FBXO47: variants seen among roughly 807,000 people sequenced by gnomAD.
FBXO47 encodes the protein F-box protein 47.
In FBXO47, 34 loss-of-function variants were observed where a neutral mutation model predicts 53.9. The ratio of observed to expected loss-of-function variants is 0.63; its 90% CI spans 0.48 to 0.84. The LOEUF (loss-of-function observed/expected upper bound fraction) is 0.84. Ranked by LOEUF, FBXO47 falls within the 40% of genes least tolerant of loss-of-function variation. The probability of loss-of-function intolerance (pLI) is 0.00; values close to 1 mark genes in which losing one functional copy is unlikely to be tolerated. For missense variants in FBXO47, 485 were observed against 541.3 expected, an observed-to-expected ratio of 0.90 and a Z score of 1.03; for synonymous variants, 165 against 181.6, an observed-to-expected ratio of 0.91 and a Z score of 0.73.
chr17:38,943,695 C>T lies in FBXO47; in HGVS notation c.835G>A (p.Glu279Lys), dbSNP rs1411988837. Residue 279 changes from glutamate (E) to lysine (K), a missense_variant, in exon 8 of 11, where the codon GAA (glutamate) becomes AAA (lysine). Physicochemically the swap from Glu to Lys is moderately conservative, Grantham distance 56. Coordinates refer to ENST00000378079, the MANE Select transcript of FBXO47 (RefSeq NM_001008777.3). ...WQEMIEEPTD[E>K]FSLKGLADAI... ...TCAGCCAAACCTTTCAGACTGAATT[C>T]ATCTGTAGGTTCTTCTATCATTTCC... The T allele has an allele frequency of 6.2e-7, 1 of 1,610,614 alleles. No individual in the cohort carries two copies. The highest frequency in any genetic ancestry group is 1.3e-5 in the African/African-American group (1 of 74,676).
intron 8 of FBXO47, 124 bp from the exon 9 acceptor site, chr17:38,943,044 GA>G: frequency 7.9e-6 from 7 of 891,338 alleles, no homozygotes; most frequent in South Asian, 1.9e-5. Flanking sequence ...GAAATGCTCA[GA>G]AAAAAATGCT....
chr17:38,938,635 A>ACT lies in FBXO47; in HGVS notation c.1180_1181insAG (p.Leu394GlnfsTer13). The stretch of plus-strand genomic sequence containing the variant: ...TGCAAATGCATTTGCCACATTCTGC[A>ACT]GGAAGTTCTTTCTTTCCACTGGAGT... On this transcript the variant is annotated frameshift_variant, in exon 10 of 11. Coordinates refer to ENST00000378079, the MANE Select transcript of FBXO47 (RefSeq NM_001008777.3). LOFTEE classifies it high-confidence loss of function. The ACT allele has an allele frequency of 2.5e-6, 4 of 1,613,852 alleles. No homozygotes were observed. In the South Asian group the frequency reaches 4.4e-5, roughly 18 times the overall value.
chr17:38,967,206 T>TG (rs747412530), intron 1 of FBXO47, 23 bp downstream of exon 1: 2 of 152,068 alleles, frequency 1.3e-5, no homozygotes, highest in African/African-American at 2.4e-5. Context: ...AATAAAATAC[T>TG]GGGAAAAAAA....
intron 6 of FBXO47, among the ~76,000 whole-genome samples, chr17:38,946,392 CTA>C (rs1195368838): frequency 0.023 from 931 of 39,618 alleles, 89 homozygotes; most frequent in African/African-American, 0.096. Context: ...ATATATATAT[CTA>C]TATATAAATA....
At position 38,963,187 on chromosome 17, in the gene FBXO47, T is replaced by G. The variant is rs1905908865; in HGVS notation, c.-26-136A>C. ...CTCTGTATTTGCAAAAGATTTTTGG[T>G]TTTTTTTTGAGACGGAGTCTTGCTC... On this transcript the variant is annotated intron_variant, in intron 1 of 10. Transcript: ENST00000378079. 1.5e-5 allele frequency: 8 copies of G among 522,358 alleles called. No homozygotes were observed. The South Asian group carries it at 1.6e-4, about 10-fold the overall frequency. The allele number at this position is 522,358 out of a possible 1,614,324, so 32.4% of individuals were successfully genotyped here. A position where few individuals can be genotyped will look rare whatever the true frequency, so the allele number is the denominator to read the frequency against.
intron 9 of FBXO47, among the ~76,000 whole-genome samples, chr17:38,941,317 C>T (rs1904496554): frequency 6.6e-6 from 1 of 150,858 alleles, no homozygotes; most frequent in Admixed American, 6.6e-5. Flanking sequence ...TTACAGGCAC[C>T]TGCCACCACA....
At chr17:38,938,159 A>C (rs1001209791) in intron 10 of FBXO47, among the ~76,000 whole-genome samples, 1 of 152,206 alleles carries the variant, frequency 6.6e-6, no homozygotes, top group African/African-American at 2.4e-5. Flanking sequence ...TAGTTTTCTC[A>C]TCTGTAAAAT....
In FBXO47 at chr17:38,937,226, G is replaced by A. The variant is rs1339886389; in HGVS notation, c.1308C>T (p.Asn436=). 1.2e-5 allele frequency: 19 copies of A among 1,610,436 alleles called. No homozygotes were observed. The highest frequency in any genetic ancestry group is 4.0e-5 in the African/African-American group (3 of 74,770). Residue 436 remains asparagine (N), a synonymous_variant, in exon 11 of 11, where the codon AAC becomes AAT. Transcript: ENST00000378079. ...NLFHLVHAQA[N]FHKEVLYLTM... ...TCAAATACAGGACCTCCTTATGGAA[G>A]TTAGCCTGAGCATGTACAAGATGGA...
intron 7 of FBXO47, among the ~76,000 whole-genome samples, chr17:38,944,691 A>G (rs147067575): frequency 0.15 from 18,644 of 126,930 alleles, 1,670 homozygotes; most frequent in East Asian, 0.29. Flanking sequence ...GACAGAGCAG[A>G]CTCCGTCTCA....
intron 5 of FBXO47, among the ~76,000 whole-genome samples, chr17:38,951,999 C>A (rs1164863970): frequency 6.6e-6 from 1 of 151,908 alleles, no homozygotes; most frequent in Non-Finnish European, 1.5e-5. Context: ...TGCACTCCAG[C>A]CTGGGCGACA....
intron 4 of FBXO47, among the ~76,000 whole-genome samples, chr17:38,955,827 G>A (rs528537170): frequency 5.3e-5 from 8 of 151,660 alleles, no homozygotes; most frequent in South Asian, 2.1e-4. Context: ...GCGTGGTGGC[G>A]CACGCCTGTA....
intron 6 of FBXO47, among the ~76,000 whole-genome samples, chr17:38,947,107 C>CATATAT (rs376417023): frequency 8.9e-5 from 8 of 90,318 alleles, no homozygotes; most frequent in Non-Finnish European, 1.8e-4. Flanking sequence ...TATATATAAA[C>CATATAT]ATATATATAT....
chr17:38,937,087 C>T lies in FBXO47; in HGVS notation c.*88G>A. The T allele has an allele frequency of 1.9e-6, 1 of 513,336 alleles. No individual in the cohort carries two copies. Among genetic ancestry groups the T allele is most frequent in the South Asian group, 4.1e-5 (1 of 24,280 alleles). 31.8% of individuals were successfully genotyped at this position (513,336 alleles called of 1,614,324 possible). A position where few individuals can be genotyped will look rare whatever the true frequency, so the allele number is the denominator to read the frequency against. ...TAGGTTACTTAGATGATAAAAAGTC[C>T]CATGGATGCTATTTTTTGAGTGAAA... On this transcript the variant is annotated 3_prime_UTR_variant, in exon 11 of 11. Coordinates refer to ENST00000378079, the MANE Select transcript of FBXO47 (RefSeq NM_001008777.3).
In FBXO47 at chr17:38,946,573, T is replaced by C. The variant is rs538885909; in HGVS notation, c.617-1437A>G. Among the ~76,000 whole-genome samples the C allele has an allele frequency of 7.1e-5, 6 of 84,666 alleles. No homozygotes were observed. In the East Asian group the frequency reaches 2.3e-3, roughly 32 times the overall value. 55.5% of individuals were successfully genotyped at this position (84,666 alleles called of 152,430 possible). The stretch of plus-strand genomic sequence containing the variant: ...ATGAATATATATAACTATATAAATA[T>C]ATATGAATATATAACTATATAAATA... On this transcript the variant is annotated intron_variant, in intron 6 of 10. Transcript: ENST00000378079.
rs188451282 is a variant in FBXO47 at position 38,963,022 on chromosome 17, C to T, written c.4G>A (p.Ala2Thr). 1 of 1,607,686 alleles carries T rather than the reference C, an allele frequency of 6.2e-7. No homozygotes were observed. The highest frequency in any genetic ancestry group is 2.2e-5 in the East Asian group (1 of 44,784). MASRINTNFTLI... is the reference protein window; with the variant it reads MTSRINTNFTLI... ...GTGAAATTTGTATTTATTCTGGATG[C>T]CATTCTTCTTCTTGTCTCACAAATT... Residue 2 changes from alanine (A) to threonine (T), a missense_variant, in exon 2 of 11, where the codon GCA (alanine) becomes ACA (threonine). Physicochemically the swap from Ala to Thr is moderately conservative, Grantham distance 58. Coordinates refer to ENST00000378079, the MANE Select transcript of FBXO47 (RefSeq NM_001008777.3).
intron 6 of FBXO47, among the ~76,000 whole-genome samples, chr17:38,946,621 A>T: frequency 2.3e-5 from 2 of 86,142 alleles, no homozygotes; most frequent in East Asian, 7.7e-4. Flanking sequence ...TAACTATATA[A>T]ATATATATGA....
At chr17:38,952,841 A>C (rs1187552235) in intron 5 of FBXO47, among the ~76,000 whole-genome samples, 1 of 115,982 alleles carries the variant, frequency 8.6e-6, no homozygotes. Flanking sequence ...TTTTGTAGAG[A>C]TGGGGTTTTG....
At chr17:38,948,102 T>C (rs1474508678) in intron 6 of FBXO47, among the ~76,000 whole-genome samples, 1 of 151,748 alleles carries the variant, frequency 6.6e-6, no homozygotes, top group Non-Finnish European at 1.5e-5. Context: ...CAAAAAGACA[T>C]CCTGTTCTTT....
At chr17:38,949,156 C>T (rs895288103) in intron 6 of FBXO47, among the ~76,000 whole-genome samples, 4 of 152,062 alleles carry the variant, frequency 2.6e-5, no homozygotes, top group African/African-American at 9.7e-5. Flanking sequence ...GTGGCTCATG[C>T]CTGTAATTCC....
Sources: gnomAD v4.1 joint callset for allele counts (sites outside exome capture counted in the v4.1 genomes callset) on GRCh38, gnomAD v4.1.1 for gene constraint, MANE v1.5 for transcripts, NCBI Gene and HGNC (gene_info 2026-07-23, HGNC 2026-07-21) for gene names.